Variants in GMDS observed in about 807,000 individuals in gnomAD.
GMDS encodes GDP-mannose 4,6-dehydratase.
A neutral mutation model predicts 49.9 loss-of-function variants in GMDS; 20 were observed. The observed-to-expected ratio is 0.40, with a 90% confidence interval of 0.28 to 0.58. The LOEUF is 0.58. Ranked by LOEUF, GMDS falls within the 20% of genes least tolerant of loss-of-function variation. The pLI is 0.42. For synonymous variants in GMDS, 177 were observed against 178.6 expected, an observed-to-expected ratio of 0.99 and a Z score of 0.07; for missense variants, 362 against 481.4, an observed-to-expected ratio of 0.75 and a Z score of 2.32.
chr6:1,917,318 A>G (rs1034420313), intron 7 of GMDS, among the ~76,000 whole-genome samples: 1 of 152,244 alleles, frequency 6.6e-6, no homozygotes, highest in Non-Finnish European at 1.5e-5. Flanking sequence ...AGGAGTTGGC[A>G]GAGCAGGGCT....
At chr6:1,786,894 C>CG (rs1199320262) in intron 7 of GMDS, among the ~76,000 whole-genome samples, 1 of 151,774 alleles carries the variant, frequency 6.6e-6, no homozygotes, top group East Asian at 1.9e-4. Flanking sequence ...AAATGTACAA[C>CG]GGAAGTGAGT....
At chr6:2,138,858 C>T (rs1219332705) in intron 1 of GMDS, among the ~76,000 whole-genome samples, 1 of 152,130 alleles carries the variant, frequency 6.6e-6, no homozygotes, top group Non-Finnish European at 1.5e-5. Context: ...ATTTTCTTTA[C>T]ATTTTTTATA....
At chr6:2,021,871 T>G (rs1024043600) in intron 4 of GMDS, among the ~76,000 whole-genome samples, 1 of 152,212 alleles carries the variant, frequency 6.6e-6, no homozygotes, top group African/African-American at 2.4e-5. Flanking sequence ...CTCAGCTGGA[T>G]AGTCTTGATT....
At position 1,624,085 on chromosome 6, in the gene GMDS, C is replaced by T. The variant is rs1762770138; in HGVS notation, c.*84G>A. ...CGCAGGGGACCCGCAGATTGGCACGCCGCTCCCCATCCCCGCAGCGCGTCT... is the reference window on the plus strand; with the variant it reads ...CGCAGGGGACCCGCAGATTGGCACGTCGCTCCCCATCCCCGCAGCGCGTCT... On this transcript the variant is annotated 3_prime_UTR_variant, in exon 11 of 11. Transcript: ENST00000380815. 2.4e-5 allele frequency: 31 copies of T among 1,280,990 alleles called. No homozygotes were observed. The highest frequency in any genetic ancestry group is 3.3e-5 in the Non-Finnish European group (30 of 902,194). The allele number at this position is 1,280,990 out of a possible 1,614,324, so 79.4% of individuals were successfully genotyped here.
At chr6:1,904,858 C>T (rs1269509026) in intron 7 of GMDS, among the ~76,000 whole-genome samples, 3 of 152,316 alleles carry the variant, frequency 2.0e-5, no homozygotes, top group Admixed American at 6.5e-5. Flanking sequence ...TGAGATGGAC[C>T]TGTCCCCAGT....
At chr6:1,941,834 T>C (rs113132691) in intron 6 of GMDS, among the ~76,000 whole-genome samples, 41 of 152,126 alleles carry the variant, frequency 2.7e-4, no homozygotes, top group African/African-American at 9.2e-4. Context: ...GGAGAGCAGG[T>C]AGGGAGAACA....
intron 4 of GMDS, among the ~76,000 whole-genome samples, chr6:2,110,072 T>A (rs1774457847): frequency 6.6e-6 from 1 of 152,062 alleles, no homozygotes; most frequent in Admixed American, 6.5e-5. Flanking sequence ...GGCTACCCCC[T>A]ATCCTTACTG....
chr6:2,176,844 G>C (rs565756567), intron 1 of GMDS, among the ~76,000 whole-genome samples: 1 of 152,174 alleles, frequency 6.6e-6, no homozygotes, highest in African/African-American at 2.4e-5. Context: ...GCCAAGGAGG[G>C]AGAAGGGTCA....
Position 1,727,246 on chromosome 6 carries a change from G to GCT in GMDS, c.891-735_891-734insAG, listed in dbSNP as rs200192476. On this transcript the variant is annotated intron_variant, in intron 8 of 10. Coordinates refer to ENST00000380815, the MANE Select transcript of GMDS (RefSeq NM_001500.4). ...GTTGACAGCAGTAAGGATCCCAGGAGCGAGTCCTCAAGTCCACACTATGCA... is the reference window on the plus strand; with the variant it reads ...GTTGACAGCAGTAAGGATCCCAGGAGCTCGAGTCCTCAAGTCCACACTATGCA... 1.4e-4 allele frequency among the ~76,000 whole-genome samples: 21 copies of GCT among 152,302 alleles called. 1 individual carries two copies. In the East Asian group the frequency reaches 3.9e-3, roughly 28 times the overall value.
chr6:1,685,659 C>A (rs1764951181), intron 9 of GMDS, among the ~76,000 whole-genome samples: 2 of 152,130 alleles, frequency 1.3e-5, no homozygotes, highest in South Asian at 4.1e-4. Context: ...CCCCCACCTG[C>A]AGTTCCAAGC....
chr6:1,750,306 G>A (rs1433075249), intron 7 of GMDS, among the ~76,000 whole-genome samples: 1 of 152,186 alleles, frequency 6.6e-6, no homozygotes, highest in Non-Finnish European at 1.5e-5. Flanking sequence ...TGGCTGAATA[G>A]GAACAGCTCC....
At chr6:1,944,874 G>C (rs528266066) in intron 6 of GMDS, among the ~76,000 whole-genome samples, 29 of 152,116 alleles carry the variant, frequency 1.9e-4, no homozygotes, top group Non-Finnish European at 3.7e-4. Flanking sequence ...AAGAATCTTA[G>C]TTGGCTCTAA....
At position 1,678,033 on chromosome 6, in the gene GMDS, AC is replaced by A. The variant is rs1452682612; in HGVS notation, c.987+48382del. ...GATTAATAGTGATGGAACTTCTTTA[AC>A]TTTTTATATTTGTAATTTCCTGTTT... On this transcript the variant is annotated intron_variant, in intron 9 of 10. Coordinates refer to ENST00000380815, the MANE Select transcript of GMDS (RefSeq NM_001500.4). Among the ~76,000 whole-genome samples, 7 of 152,116 alleles carry A rather than the reference AC, an allele frequency of 4.6e-5. No homozygotes were observed. In the East Asian group the frequency reaches 1.3e-3, roughly 29 times the overall value.
chr6:2,165,888 T>C (rs904227449), intron 1 of GMDS, among the ~76,000 whole-genome samples: 14 of 151,918 alleles, frequency 9.2e-5, no homozygotes, highest in African/African-American at 3.1e-4. Flanking sequence ...TACATAGTTA[T>C]TAAAATGAAC....
rs115973636 is a variant in GMDS at position 1,907,490 on chromosome 6, G to A, written c.771+22613C>T. On this transcript the variant is annotated intron_variant, in intron 7 of 10. Transcript: ENST00000380815. ...CCAATACCTACCTTGGGCCAATACA[G>A]TATTGAAACAAGGGAAGTGACAGGA... Among the ~76,000 whole-genome samples, 1,091 of 152,272 alleles carry A rather than the reference G, an allele frequency of 7.2e-3. 19 individuals are homozygous for A. The highest frequency in any genetic ancestry group is 0.024 in the African/African-American group (1,002 of 41,546).
intron 7 of GMDS, among the ~76,000 whole-genome samples, chr6:1,796,644 G>C (rs1176037452): frequency 6.6e-6 from 1 of 152,098 alleles, no homozygotes; most frequent in Non-Finnish European, 1.5e-5. Context: ...ACATACACTT[G>C]CTCCATTAGC....
intron 7 of GMDS, among the ~76,000 whole-genome samples, chr6:1,756,995 G>T (rs7740069): frequency 0.097 from 14,693 of 152,170 alleles, 804 homozygotes; most frequent in African/African-American, 0.15. Flanking sequence ...AAAAGGACAC[G>T]CAGGATGGGA....
intron 4 of GMDS, among the ~76,000 whole-genome samples, chr6:2,026,768 T>C (rs1158159638): frequency 6.6e-6 from 1 of 152,218 alleles, no homozygotes; most frequent in Non-Finnish European, 1.5e-5. Flanking sequence ...GGCAGCCAGC[T>C]GCCAGAGCAA....
intron 1 of GMDS, among the ~76,000 whole-genome samples, chr6:2,224,362 T>C (rs1016984745): frequency 6.6e-6 from 1 of 152,218 alleles, no homozygotes; most frequent in African/African-American, 2.4e-5. Flanking sequence ...GGATCCCTAA[T>C]GCAGAACACT....
Sources: gnomAD v4.1 joint callset for allele counts (sites outside exome capture counted in the v4.1 genomes callset) on GRCh38, gnomAD v4.1.1 for gene constraint, MANE v1.5 for transcripts, NCBI Gene and HGNC (gene_info 2026-07-23, HGNC 2026-07-21) for gene names.